The following USP46 variants were observed in gnomAD, a reference collection of about 807,000 sequenced individuals.
USP46 encodes ubiquitin carboxyl-terminal hydrolase 46.
Under a neutral mutation model 44.4 loss-of-function variants are expected in USP46, and 12 were observed. The ratio of observed to expected loss-of-function variants is 0.27; its 90% CI spans 0.17 to 0.44. The LOEUF is 0.44. USP46 is among the 20% of genes least tolerant of loss of function. USP46 has a pLI of 1.00. For synonymous variants in USP46, 155 were observed against 161.5 expected (o/e 0.96, Z 0.31); for missense variants, 248 against 444.8 (o/e 0.56, Z 3.98).
intron 1 of USP46, among the ~76,000 whole-genome samples, chr4:52,632,952 G>T (rs1383508937): frequency 2.9e-5 from 2 of 69,874 alleles, no homozygotes; most frequent in African/African-American, 1.4e-4. Context: ...AAGAAAGAAA[G>T]AAAGAAAGAA....
intron 1 of USP46, among the ~76,000 whole-genome samples, chr4:52,633,887 G>A (rs2109643529): frequency 6.6e-6 from 1 of 152,248 alleles, no homozygotes; most frequent in Non-Finnish European, 1.5e-5. Context: ...GCACAACACA[G>A]CACAGCACAG....
intron 5 of USP46, among the ~76,000 whole-genome samples, chr4:52,608,700 G>A (rs1044158524): frequency 3.3e-5 from 5 of 152,158 alleles, no homozygotes; most frequent in African/African-American, 1.2e-4. Context: ...CTCTCCAGGT[G>A]GAACCCAGGC....
At chr4:52,641,809 T>C (rs992440339) in intron 1 of USP46, among the ~76,000 whole-genome samples, 1 of 152,216 alleles carries the variant, frequency 6.6e-6, no homozygotes, top group Non-Finnish European at 1.5e-5. Flanking sequence ...GCAGCCTTTC[T>C]TTCAAGTTTG....
At chr4:52,650,193 A>G (rs996825042) in intron 1 of USP46, among the ~76,000 whole-genome samples, 2 of 152,262 alleles carry the variant, frequency 1.3e-5, no homozygotes, top group Non-Finnish European at 1.5e-5. Context: ...TATTGTAGAA[A>G]CTACCAAACT....
intron 4 of USP46, among the ~76,000 whole-genome samples, chr4:52,615,249 GTTTTT>G (rs1717086853): frequency 6.6e-6 from 1 of 151,904 alleles, no homozygotes; most frequent in Non-Finnish European, 1.5e-5. Context: ...GGAAGTATTT[GTTTTT>G]TTAAGGCAAG....
intron 1 of USP46, among the ~76,000 whole-genome samples, chr4:52,657,974 C>A (rs1719016963): frequency 2.0e-5 from 3 of 152,184 alleles, no homozygotes; most frequent in African/African-American, 7.2e-5. Context: ...GGAAGGGCAG[C>A]CAGATCACCT....
intron 1 of USP46, among the ~76,000 whole-genome samples, chr4:52,644,917 C>T (rs368248555): frequency 2.6e-5 from 4 of 152,014 alleles, no homozygotes; most frequent in African/African-American, 4.8e-5. Flanking sequence ...ATTAGCCGGG[C>T]GTGGTGGCAC....
At chr4:52,618,333 T>C (rs1036998091) in intron 4 of USP46, among the ~76,000 whole-genome samples, 7 of 152,108 alleles carry the variant, frequency 4.6e-5, no homozygotes, top group Admixed American at 1.3e-4. Flanking sequence ...TACTAAAAAA[T>C]ACAAAAATTA....
At chr4:52,606,695 T>C (rs906984830) in intron 5 of USP46, among the ~76,000 whole-genome samples, 2 of 152,214 alleles carry the variant, frequency 1.3e-5, no homozygotes, top group African/African-American at 4.8e-5. Flanking sequence ...GCCTGGACTA[T>C]GCTACCAAGA....
chr4:52,645,442 A>C (rs1378294973), intron 1 of USP46, among the ~76,000 whole-genome samples: 1 of 152,154 alleles, frequency 6.6e-6, no homozygotes, highest in Admixed American at 6.5e-5. Flanking sequence ...TGAAGTCCTC[A>C]TGCAAAACTA....
intron 1 of USP46, among the ~76,000 whole-genome samples, chr4:52,632,591 T>C (rs918324895): frequency 2.6e-5 from 4 of 151,914 alleles, no homozygotes; most frequent in Non-Finnish European, 5.9e-5. Flanking sequence ...GAGGCTGAGG[T>C]GGGCAGATCC....
chr4:52,656,654 C>G, intron 1 of USP46: 1 of 965,044 alleles, frequency 1.0e-6, no homozygotes, highest in Non-Finnish European at 1.3e-6. Flanking sequence ...GCCCTGTGCC[C>G]GAGTAATACA....
intron 7 of USP46, among the ~76,000 whole-genome samples, chr4:52,599,215 T>A (rs944608978): frequency 6.9e-6 from 1 of 144,280 alleles, no homozygotes; most frequent in African/African-American, 2.6e-5. Context: ...ACTTTGATAA[T>A]GTGAGTAGAA....
At chr4:52,636,561 C>T (rs2109647755) in intron 1 of USP46, among the ~76,000 whole-genome samples, 1 of 151,624 alleles carries the variant, frequency 6.6e-6, no homozygotes, top group East Asian at 2.0e-4. Context: ...CAAAAATTAG[C>T]CGGGCATGAT....
intron 4 of USP46, among the ~76,000 whole-genome samples, chr4:52,623,095 A>C (rs894386006): frequency 6.6e-6 from 1 of 152,148 alleles, no homozygotes; most frequent in African/African-American, 2.4e-5. Flanking sequence ...ACTGCCAGCC[A>C]AGAGTTGATG....
At chr4:52,632,942 A>AAGAAAGAAAGAAAGAAAGAG (rs1717909829) in intron 1 of USP46, among the ~76,000 whole-genome samples, 1 of 71,652 alleles carries the variant, frequency 1.4e-5, no homozygotes, top group Admixed American at 1.4e-4. Flanking sequence ...GAAAGAAAGA[A>AAGAAAGAAAGAAAGAAAGAG]AGAAAGAAAG....
intron 1 of USP46, among the ~76,000 whole-genome samples, chr4:52,655,630 CA>C (rs1718920937): frequency 6.6e-6 from 1 of 152,126 alleles, no homozygotes; most frequent in African/African-American, 2.4e-5. Context: ...TTGGTCTGGA[CA>C]AAAATCAGAG....
Position 52,622,485 on chromosome 4 carries a change from GACAA to G in USP46, c.561+3529_561+3532del, listed in dbSNP as rs574297997. Among the ~76,000 whole-genome samples the G allele has an allele frequency of 3.9e-4, 59 of 152,128 alleles. 1 individual carries two copies. The highest frequency in any genetic ancestry group is 6.0e-4 in the Non-Finnish European group (41 of 67,984). On this transcript the variant is annotated intron_variant, in intron 4 of 8. Coordinates refer to ENST00000441222, the MANE Select transcript of USP46 (RefSeq NM_022832.4). ...TATAGTTTTCTTCTTCAAGAAACATGACAAACATTTTCATTTATTTATTCACTCA... is the reference window on the plus strand; with the variant it reads ...TATAGTTTTCTTCTTCAAGAAACATGACATTTTCATTTATTTATTCACTCA...
intron 4 of USP46, among the ~76,000 whole-genome samples, chr4:52,616,930 C>T (rs957031537): frequency 1.3e-5 from 2 of 152,022 alleles, no homozygotes; most frequent in Non-Finnish European, 2.9e-5. Flanking sequence ...TGAACTAATG[C>T]CAAAGAAAAC....
Sources: gnomAD v4.1 joint callset for allele counts (sites outside exome capture counted in the v4.1 genomes callset) on GRCh38, gnomAD v4.1.1 for gene constraint, MANE v1.5 for transcripts, NCBI Gene and HGNC (gene_info 2026-07-23, HGNC 2026-07-21) for gene names.